Variants in PARN observed in about 807,000 individuals in gnomAD.
PARN encodes the protein poly(A)-specific ribonuclease PARN.
Under a neutral mutation model 102.8 loss-of-function variants are expected in PARN, and 71 were observed. The observed-to-expected ratio is 0.69, with a 90% CI of 0.57 to 0.84. The LOEUF is 0.84. Among genes scored for constraint, PARN ranks in the 40% least tolerant of loss-of-function variants. PARN has a pLI of 0.00. For missense variants in PARN, 782 were observed against 760.9 expected (o/e 1.03, Z -0.33); for synonymous variants, 261 against 252.9 (o/e 1.03, Z -0.30).
At chr16:14,570,269 G>A (rs1968708004) in intron 18 of PARN, among the ~76,000 whole-genome samples, 2 of 148,200 alleles carry the variant, frequency 1.3e-5, no homozygotes, top group South Asian at 4.3e-4. Context: ...AATCTGGGAG[G>A]TGGTATCACA....
chr16:14,450,290 T>G (rs1220613336), intron 22 of PARN, among the ~76,000 whole-genome samples: 1 of 152,220 alleles, frequency 6.6e-6, no homozygotes, highest in African/African-American at 2.4e-5. Flanking sequence ...AACCCCTTAG[T>G]AGGCTTGCTT....
intron 21 of PARN, among the ~76,000 whole-genome samples, chr16:14,545,449 A>C (rs1966882068): frequency 6.6e-6 from 1 of 152,236 alleles, no homozygotes; most frequent in Non-Finnish European, 1.5e-5. Context: ...TCAAAGAAGA[A>C]ATCACAAAAC....
At chr16:14,492,120 G>T (rs911068367) in intron 21 of PARN, among the ~76,000 whole-genome samples, 2 of 152,214 alleles carry the variant, frequency 1.3e-5, no homozygotes, top group Admixed American at 6.5e-5. Context: ...TATCGTGGGT[G>T]TTTCTCCAAC....
Position 14,601,635 on chromosome 16 carries a change from T to TG in PARN, c.784-1676dup, listed in dbSNP as rs200329362. On this transcript the variant is annotated intron_variant, in intron 11 of 23. Coordinates refer to ENST00000437198, the MANE Select transcript of PARN (RefSeq NM_002582.4). The stretch of plus-strand genomic sequence containing the variant: ...TATTTTACCACAATTAAAATTTTTT[T>TG]GGGGGGGTCAGGCATGGTAGCTCAC... 3.5e-3 allele frequency among the ~76,000 whole-genome samples: 526 copies of TG among 152,134 alleles called. 5 individuals carry two copies. The highest frequency in any genetic ancestry group is 0.015 in the East Asian group (78 of 5,138).
intron 22 of PARN, among the ~76,000 whole-genome samples, chr16:14,472,957 G>C (rs1962833252): frequency 6.6e-6 from 1 of 152,050 alleles, no homozygotes; most frequent in Non-Finnish European, 1.5e-5. Flanking sequence ...CATCTCTTGG[G>C]ATCAACTTAT....
rs1171017864 is a variant in PARN, at chr16:14,554,139, C to T, written c.1331G>A (p.Arg444His). 1.7e-5 allele frequency: 27 copies of T among 1,611,862 alleles called. No individual in the cohort carries two copies. Among genetic ancestry groups the T allele is most frequent in the Non-Finnish European group, 2.2e-5 (26 of 1,178,692 alleles). ...NLEGPDLQPK[R>H]DHVLHVTFPK... The stretch of plus-strand genomic sequence containing the variant: ...GAATGTCACATGGAGAACATGATCA[C>T]GTTTAGGCTGCACTACAAGACAAAT... Residue 444 changes from arginine to histidine, a missense_variant, in exon 20 of 24, where the codon CGT becomes CAT. Physicochemically the swap from Arg to His is conservative, Grantham distance 29. Coordinates refer to ENST00000437198, the MANE Select transcript of PARN (RefSeq NM_002582.4).
At chr16:14,515,507 T>C (rs1038133518) in intron 21 of PARN, among the ~76,000 whole-genome samples, 3 of 151,982 alleles carry the variant, frequency 2.0e-5, no homozygotes, top group Non-Finnish European at 4.4e-5. Flanking sequence ...TGCATTTAAA[T>C]CCCATAAAGC....
At chr16:14,604,405 C>T (rs543463112) in intron 10 of PARN, among the ~76,000 whole-genome samples, 179 bp from the exon 11 acceptor site, 2 of 152,014 alleles carry the variant, frequency 1.3e-5, no homozygotes, top group South Asian at 4.1e-4. Context: ...GGATTACAGG[C>T]TTGTGCCACC....
chr16:14,613,982 T>C (rs1023760124), intron 6 of PARN, among the ~76,000 whole-genome samples: 2 of 152,104 alleles, frequency 1.3e-5, no homozygotes, highest in African/African-American at 2.4e-5. Context: ...AAACAATAAA[T>C]GAGACCATGC....
chr16:14,451,870 A>C, intron 22 of PARN, among the ~76,000 whole-genome samples: 38 of 16,946 alleles, frequency 2.2e-3, no homozygotes, highest in South Asian at 3.3e-3. Context: ...AAAAAAATAC[A>C]AAAAAAAAAA....
intron 23 of PARN, among the ~76,000 whole-genome samples, chr16:14,444,636 A>C (rs967239672): frequency 2.6e-5 from 4 of 152,248 alleles, no homozygotes; most frequent in Non-Finnish European, 5.9e-5. Context: ...GACAGCTATG[A>C]AGGACAGGAA....
In PARN at chr16:14,586,354, C is replaced by T. The variant is rs1567416938; in HGVS notation, c.926G>A (p.Ser309Asn). ...QFYCPLPADLSEFKEMTTCVF... is the reference protein window; with the variant it reads ...QFYCPLPADLNEFKEMTTCVF... ...ACATGTTGTCATCTCTTTAAACTCA[C>T]TTAAGTCCTAAAGAACAAGAGAAGG... The change falls in exon 14 of 24, where the codon AGT becomes AAT. Residue 309 changes from serine to asparagine, a missense_variant. By Grantham distance (46) the Ser-to-Asn change is conservative. Coordinates refer to ENST00000437198, the MANE Select transcript of PARN (RefSeq NM_002582.4). 1 of 1,531,476 alleles carries T rather than the reference C, an allele frequency of 6.5e-7. No individual in the cohort carries two copies. Among genetic ancestry groups the T allele is most frequent in the Non-Finnish European group, 8.9e-7 (1 of 1,125,340 alleles). The allele number at this position is 1,531,476 out of a possible 1,614,324, so 94.9% of individuals were successfully genotyped here.
intron 21 of PARN, among the ~76,000 whole-genome samples, chr16:14,531,692 C>T (rs1966338095): frequency 1.3e-5 from 2 of 152,220 alleles, no homozygotes; most frequent in South Asian, 2.1e-4. Context: ...TGCCATCCTA[C>T]ACACATGGGA....
chr16:14,452,192 T>C (rs1176554097), intron 22 of PARN, among the ~76,000 whole-genome samples: 1 of 152,228 alleles, frequency 6.6e-6, no homozygotes, highest in African/African-American at 2.4e-5. Context: ...GGTTGTATCC[T>C]AACCACAGAT....
intron 6 of PARN, among the ~76,000 whole-genome samples, chr16:14,611,740 T>G (rs191366488): frequency 3.3e-5 from 5 of 152,228 alleles, no homozygotes; most frequent in African/African-American, 1.2e-4. Flanking sequence ...AGGGTTTCGC[T>G]ATGTTGGCCA....
At chr16:14,550,305 A>T (rs1401647029) in intron 21 of PARN, among the ~76,000 whole-genome samples, 1 of 152,068 alleles carries the variant, frequency 6.6e-6, no homozygotes, top group Non-Finnish European at 1.5e-5. Flanking sequence ...CATCAATCAC[A>T]CCCTGCATCC....
intron 11 of PARN, 47 bp from the exon 12 acceptor site, chr16:14,600,007 C>T (rs1188575360): frequency 3.7e-6 from 4 of 1,080,006 alleles, no homozygotes; most frequent in Non-Finnish European, 5.3e-6. Flanking sequence ...TATAAATATT[C>T]CTTATGTGAA....
intron 21 of PARN, among the ~76,000 whole-genome samples, chr16:14,508,810 A>C (rs1965037435): frequency 6.6e-6 from 1 of 151,602 alleles, no homozygotes; most frequent in South Asian, 2.1e-4. Flanking sequence ...CTATAATCCC[A>C]GCACTTTGAG....
chr16:14,609,806 A>G (rs1437418464), intron 7 of PARN, among the ~76,000 whole-genome samples: 1 of 152,262 alleles, frequency 6.6e-6, no homozygotes, highest in African/African-American at 2.4e-5. Context: ...GAACATGGAC[A>G]TGCTACAGGC....
Sources: gnomAD v4.1 joint callset for allele counts (sites outside exome capture counted in the v4.1 genomes callset) on GRCh38, gnomAD v4.1.1 for gene constraint, MANE v1.5 for transcripts, NCBI Gene and HGNC (gene_info 2026-07-23, HGNC 2026-07-21) for gene names.